Variants in HPSE2 observed in about 807,000 individuals in gnomAD.
HPSE2 encodes the protein heparanase 2 (inactive), also known as inactive heparanase-2.
HPSE2 carries 38 observed loss-of-function variants against 60.5 expected under a neutral mutation model. The observed-to-expected ratio is 0.63, with a 90% CI of 0.48 to 0.82. The LOEUF (loss-of-function observed/expected upper bound fraction) is 0.82. Among genes scored for constraint, HPSE2 ranks in the 40% least tolerant of loss-of-function variants. HPSE2 has a pLI of 0.00. For synonymous variants in HPSE2, 295 were observed against 293.2 expected, an observed-to-expected ratio of 1.01 and a Z score of -0.06; for missense variants, 713 against 740.4, an observed-to-expected ratio of 0.96 and a Z score of 0.43.
chr10:98,566,699 A>G (rs1944355179), intron 9 of HPSE2, among the ~76,000 whole-genome samples: 1 of 152,098 alleles, frequency 6.6e-6, no homozygotes, highest in African/African-American at 2.4e-5. Context: ...TGAGCTGGAG[A>G]GCTGGGGAAA....
chr10:99,125,495 C>A (rs1033499768), intron 3 of HPSE2, among the ~76,000 whole-genome samples: 39 of 152,164 alleles, frequency 2.6e-4, no homozygotes, highest in African/African-American at 8.7e-4. Flanking sequence ...CTGGCATGGA[C>A]AGAACAGCAT....
At chr10:99,263,782 C>T in the HPSE2 span, among the ~76,000 whole-genome samples, 31 of 152,222 alleles carry the variant, frequency 2.0e-4, 1 homozygote, top group East Asian at 5.8e-3. Context: ...ATTCTGTCGT[C>T]GTTTCATAAC....
At chr10:98,591,321 T>C (rs763509470) in intron 9 of HPSE2, among the ~76,000 whole-genome samples, 38 of 152,294 alleles carry the variant, frequency 2.5e-4, no homozygotes, top group Non-Finnish European at 4.9e-4. Flanking sequence ...TTAATATCAT[T>C]GATCATCATT....
chr10:98,529,715 A>G (rs1943075141), intron 9 of HPSE2, among the ~76,000 whole-genome samples: 1 of 152,134 alleles, frequency 6.6e-6, no homozygotes, highest in South Asian at 2.1e-4. Context: ...ACAGAAAGCT[A>G]TGGTTTGGAA....
At chr10:99,259,452 C>T in the HPSE2 span, among the ~76,000 whole-genome samples, 1 of 152,130 alleles carries the variant, frequency 6.6e-6, no homozygotes, top group East Asian at 1.9e-4. Flanking sequence ...AAACAAGCAA[C>T]CTAATAATAA....
intron 6 of HPSE2, among the ~76,000 whole-genome samples, chr10:98,682,094 T>C (rs753448971): frequency 2.0e-5 from 3 of 152,176 alleles, no homozygotes; most frequent in Non-Finnish European, 2.9e-5. Context: ...GGGAGGTGAC[T>C]GGATCATGGG....
At chr10:98,818,734 A>G (rs988989773) in intron 3 of HPSE2, among the ~76,000 whole-genome samples, 3 of 152,226 alleles carry the variant, frequency 2.0e-5, no homozygotes, top group African/African-American at 7.2e-5. Context: ...CATAATTATT[A>G]TAATAGACAT....
At chr10:99,046,356 A>C (rs1957855093) in intron 3 of HPSE2, among the ~76,000 whole-genome samples, 1 of 152,104 alleles carries the variant, frequency 6.6e-6, no homozygotes, top group African/African-American at 2.4e-5. Flanking sequence ...CTATATAACA[A>C]ACCCTCAGCC....
chr10:98,501,388 G>A (rs946878303), intron 9 of HPSE2, among the ~76,000 whole-genome samples: 1 of 152,118 alleles, frequency 6.6e-6, no homozygotes, highest in African/African-American at 2.4e-5. Flanking sequence ...TGTAGGAATG[G>A]TTTATCATAT....
chr10:99,297,435 A>C, the HPSE2 span, among the ~76,000 whole-genome samples: 1 of 152,234 alleles, frequency 6.6e-6, no homozygotes, highest in Non-Finnish European at 1.5e-5. Flanking sequence ...ACTAGGGAAT[A>C]AAGTAACAGC....
chr10:98,616,797 A>C (rs979515841), intron 8 of HPSE2, among the ~76,000 whole-genome samples: 9 of 152,212 alleles, frequency 5.9e-5, no homozygotes, highest in Non-Finnish European at 1.2e-4. Flanking sequence ...AATTGAAATT[A>C]CTTTTGGAAC....
At chr10:98,839,444 A>C (rs1951862132) in intron 3 of HPSE2, among the ~76,000 whole-genome samples, 1 of 152,236 alleles carries the variant, frequency 6.6e-6, no homozygotes, top group Admixed American at 6.5e-5. Flanking sequence ...TCATTCATTC[A>C]CTAAGTACAA....
the HPSE2 span, among the ~76,000 whole-genome samples, chr10:99,301,432 T>C: frequency 2.6e-5 from 4 of 152,146 alleles, no homozygotes; most frequent in African/African-American, 9.7e-5. Flanking sequence ...AGGTTAAATA[T>C]TGGGGGTATG....
At chr10:98,743,805 T>G (rs1949559588) in intron 4 of HPSE2, 78 bp downstream of exon 4, 1 of 1,298,178 alleles carries the variant, frequency 7.7e-7, no homozygotes, top group East Asian at 2.3e-5. Flanking sequence ...AGAGATGGTC[T>G]GATTGAGACT....
intron 9 of HPSE2, among the ~76,000 whole-genome samples, chr10:98,528,596 A>G (rs973746223): frequency 1.7e-4 from 26 of 152,276 alleles, no homozygotes; most frequent in African/African-American, 5.8e-4. Flanking sequence ...CAGACACCCA[A>G]TTAGTTATAA....
chr10:98,587,615 G>A (rs919026375), intron 9 of HPSE2, among the ~76,000 whole-genome samples: 6 of 152,050 alleles, frequency 3.9e-5, no homozygotes, highest in African/African-American at 1.2e-4. Flanking sequence ...GCTAACTCTT[G>A]AGTACAATTC....
intron 9 of HPSE2, among the ~76,000 whole-genome samples, chr10:98,610,092 T>C (rs925352185): frequency 6.6e-6 from 1 of 152,096 alleles, no homozygotes; most frequent in Non-Finnish European, 1.5e-5. Flanking sequence ...CCGCCCGCCT[T>C]GGCCTCCTAA....
At chr10:98,464,211 C>T (rs1940429195) in intron 11 of HPSE2, among the ~76,000 whole-genome samples, 1 of 152,202 alleles carries the variant, frequency 6.6e-6, no homozygotes, top group African/African-American at 2.4e-5. Flanking sequence ...AACTGTTCTT[C>T]AATTCCCAAT....
intron 2 of HPSE2, 82 bp from the exon 3 acceptor site, chr10:99,144,481 C>T (rs1375587679): frequency 6.6e-7 from 1 of 1,510,276 alleles, no homozygotes; most frequent in Non-Finnish European, 9.0e-7. Context: ...TTGTTTCACC[C>T]AAAATGACAG....
Sources: allele counts gnomAD v4.1 joint callset (sites outside exome capture counted in the v4.1 genomes callset), GRCh38; gene constraint gnomAD v4.1.1; transcripts MANE v1.5; gene names NCBI Gene and HGNC (gene_info 2026-07-23, HGNC 2026-07-21).